Variants in ANO3 observed in about 807,000 individuals in gnomAD.
ANO3 encodes anoctamin-3.
In ANO3, 99 loss-of-function variants were observed where a neutral mutation model predicts 144.8. The ratio of observed to expected loss-of-function variants is 0.68; its 90% CI spans 0.58 to 0.81. ANO3 has a LOEUF of 0.81. Ranked by LOEUF, ANO3 falls within the 30% of genes least tolerant of loss-of-function variation. The pLI is 0.00. For missense variants in ANO3, 905 were observed against 1,202.2 expected (o/e 0.75, Z 3.66); for synonymous variants, 414 against 392.6 (o/e 1.05, Z -0.64).
At chr11:26,344,735 C>G (rs1590278111) in intron 1 of ANO3, among the ~76,000 whole-genome samples, 3 of 152,198 alleles carry the variant, frequency 2.0e-5, no homozygotes, top group South Asian at 4.1e-4. Context: ...TTGAATGGTG[C>G]TTCTCTATTT....
chr11:26,537,661 A>T (rs1849545741), intron 10 of ANO3, among the ~76,000 whole-genome samples, 200 bp downstream of exon 10: 1 of 152,108 alleles, frequency 6.6e-6, no homozygotes, highest in Non-Finnish European at 1.5e-5. Flanking sequence ...AATTTGCCCC[A>T]TACTGGGAAT....
chr11:26,643,217 G>T lies in ANO3; in HGVS notation c.2311G>T (p.Ala771Ser), dbSNP rs1050574852. The T allele has an allele frequency of 3.1e-6, 5 of 1,613,872 alleles. No individual in the cohort carries two copies. Among genetic ancestry groups the T allele is most frequent in the Non-Finnish European group, 3.4e-6 (4 of 1,179,936 alleles). Residue 771 changes from alanine (A) to serine (S), a missense_variant, in exon 23 of 27, where the codon GCT (alanine) becomes TCT (serine). Coordinates refer to ENST00000256737, the MANE Select transcript of ANO3 (RefSeq NM_031418.4). ...TGGTTTTACCACCATCTTTGTTGCG[G>T]CTTTTCCTCTAGCCCCTCTTTTGGC... ...QFGFTTIFVA[A>S]FPLAPLLALL...
intron 7 of ANO3, among the ~76,000 whole-genome samples, chr11:26,528,309 G>A (rs1849217772): frequency 6.6e-6 from 1 of 152,042 alleles, no homozygotes; most frequent in Non-Finnish European, 1.5e-5. Context: ...AAATTAATAA[G>A]CTAGATCCTT....
intron 1 of ANO3, among the ~76,000 whole-genome samples, chr11:26,319,748 A>T (rs538907285): frequency 7.7e-4 from 117 of 152,272 alleles, no homozygotes; most frequent in South Asian, 1.2e-3. Context: ...TATTTCTATG[A>T]CTTCCAGAGA....
At chr11:26,566,952 T>C (rs1169725883) in intron 14 of ANO3, 4 of 1,108,972 alleles carry the variant, frequency 3.6e-6, no homozygotes, top group Non-Finnish European at 4.8e-6. Context: ...AAGTAAACAC[T>C]TAATAGATGC....
intron 1 of ANO3, among the ~76,000 whole-genome samples, chr11:26,221,558 T>C (rs1425566620): frequency 6.6e-6 from 1 of 152,166 alleles, no homozygotes; most frequent in Non-Finnish European, 1.5e-5. Flanking sequence ...TGTTAGTCTG[T>C]TTTTTCATTG....
At chr11:26,204,934 TA>T (rs1851767944) in intron 1 of ANO3, among the ~76,000 whole-genome samples, 1 of 152,086 alleles carries the variant, frequency 6.6e-6, no homozygotes, top group Non-Finnish European at 1.5e-5. Flanking sequence ...GGGTAATTTA[TA>T]AAGGAAAGAG....
At chr11:26,590,869 G>A (rs1386244450) in intron 14 of ANO3, among the ~76,000 whole-genome samples, 1 of 152,132 alleles carries the variant, frequency 6.6e-6, no homozygotes, top group Non-Finnish European at 1.5e-5. Flanking sequence ...ACACGGACCA[G>A]AAGAGTGTGC....
chr11:26,483,044 A>T (rs1860288513), intron 4 of ANO3, among the ~76,000 whole-genome samples: 1 of 151,114 alleles, frequency 6.6e-6, no homozygotes, highest in South Asian at 2.1e-4. Flanking sequence ...TAGTGCAGGT[A>T]TTTTTTTTTC....
intron 1 of ANO3, among the ~76,000 whole-genome samples, chr11:26,269,194 G>A (rs1853382949): frequency 6.6e-6 from 1 of 152,140 alleles, no homozygotes; most frequent in Non-Finnish European, 1.5e-5. Flanking sequence ...TACTGGCCAA[G>A]CTTTTACACA....
intron 17 of ANO3, among the ~76,000 whole-genome samples, chr11:26,609,152 T>C (rs1852018564): frequency 6.6e-6 from 1 of 152,090 alleles, no homozygotes; most frequent in African/African-American, 2.4e-5. Context: ...GCACGCTGAC[T>C]GGCTGCCTCC....
chr11:26,488,615 T>C (rs1368737284), intron 4 of ANO3, among the ~76,000 whole-genome samples: 4 of 152,186 alleles, frequency 2.6e-5, no homozygotes, highest in African/African-American at 9.7e-5. Flanking sequence ...CAGTGAGTGA[T>C]ACAGCTCTTA....
chr11:26,314,404 A>T (rs1441817519), intron 1 of ANO3, among the ~76,000 whole-genome samples: 1 of 152,198 alleles, frequency 6.6e-6, no homozygotes, highest in Non-Finnish European at 1.5e-5. Flanking sequence ...ATAAGTGCTT[A>T]GCATACTAAA....
At chr11:26,610,099 C>T (rs4420219) in intron 17 of ANO3, among the ~76,000 whole-genome samples, 42,279 of 151,838 alleles carry the variant, frequency 0.28, 6,386 homozygotes, top group South Asian at 0.46. Context: ...TTAGTAGAGG[C>T]GGGGTTTCTC....
chr11:26,245,553 T>A (rs1395966933), intron 1 of ANO3, among the ~76,000 whole-genome samples: 1 of 152,216 alleles, frequency 6.6e-6, no homozygotes, highest in Non-Finnish European at 1.5e-5. Context: ...CTAATGGATT[T>A]TTTCCTTCTA....
chr11:26,565,248 T>A lies in ANO3; in HGVS notation c.1447+5469T>A. 1 of 1,554,000 alleles carries A rather than the reference T, an allele frequency of 6.4e-7. No individual in the cohort carries two copies. The highest frequency in any genetic ancestry group is 8.7e-7 in the Non-Finnish European group (1 of 1,150,756). The stretch of plus-strand genomic sequence containing the variant: ...AGGCTGTAGAGTTGTTTTTTCTTGA[T>A]AAGGGGTAAACCCAGTGAAGCTATC... On this transcript the variant is annotated intron_variant, in intron 14 of 26. Transcript: ENST00000256737.
intron 1 of ANO3, among the ~76,000 whole-genome samples, chr11:26,335,231 T>C (rs1005238945): frequency 6.6e-6 from 1 of 152,196 alleles, no homozygotes; most frequent in South Asian, 2.1e-4. Context: ...AAGATAATTA[T>C]GTCTATCTTG....
At chr11:26,599,120 G>T in intron 16 of ANO3, 122 bp downstream of exon 16, 1 of 1,018,182 alleles carries the variant, frequency 9.8e-7, no homozygotes, top group Non-Finnish European at 1.5e-6. Flanking sequence ...CAACAACTTG[G>T]TAACACGTAC....
chr11:26,283,065 TTGA>T (rs899521467), intron 1 of ANO3, among the ~76,000 whole-genome samples: 32 of 150,496 alleles, frequency 2.1e-4, no homozygotes, highest in Non-Finnish European at 1.0e-4. Context: ...TCTAAAATGG[TTGA>T]TGAACTATTT....
Sources: gnomAD v4.1 joint callset for allele counts (sites outside exome capture counted in the v4.1 genomes callset) on GRCh38, gnomAD v4.1.1 for gene constraint, MANE v1.5 for transcripts, NCBI Gene and HGNC (gene_info 2026-07-23, HGNC 2026-07-21) for gene names.